Variants in TF observed in about 807,000 individuals in gnomAD.
TF encodes serotransferrin.
Under a neutral mutation model 82.4 loss-of-function variants are expected in TF, and 55 were observed. That is an observed-to-expected ratio of 0.67 (90% CI 0.54 to 0.84). TF has a LOEUF of 0.84. Among genes scored for constraint, TF ranks in the 40% least tolerant of loss-of-function variants. TF has a pLI of 0.00. For missense variants in TF, 737 were observed against 868.4 expected, an observed-to-expected ratio of 0.85 and a Z score of 1.90; for synonymous variants, 332 against 332.6, an observed-to-expected ratio of 1.00 and a Z score of 0.02.
At position 133,788,435 on chromosome 3, in the gene TF, T is replaced by G. The variant is rs1442744893; in HGVS notation, c.*9815T>G. ...TAAGCACAGGCCTTCTCCCACCCTG[T>G]GGAGCGTACTTTCATTTCATAAATC... On this transcript the variant is annotated 3_prime_UTR_variant, in exon 17 of 17. Coordinates refer to ENST00000402696, the MANE Select transcript of TF (RefSeq NM_001063.4). The G allele has an allele frequency of 6.6e-6, 1 of 152,250 alleles. No homozygotes were observed. Among genetic ancestry groups the G allele is most frequent in the Non-Finnish European group, 1.5e-5 (1 of 68,038 alleles). 9.4% of individuals were successfully genotyped at this position (152,250 alleles called of 1,614,324 possible). A position where few individuals can be genotyped will look rare whatever the true frequency, so the allele number is the denominator to read the frequency against.
chr3:133,683,068 A>G, the TF span, among the ~76,000 whole-genome samples: 1 of 152,206 alleles, frequency 6.6e-6, no homozygotes, highest in African/African-American at 2.4e-5. Context: ...TAAAGAAAAG[A>G]ATTTTCAACC....
rs13098700 is a variant in TF at position 133,782,818 on chromosome 3, A to T, written c.*4198A>T. On this transcript the variant is annotated 3_prime_UTR_variant, in exon 17 of 17. Coordinates refer to ENST00000402696, the MANE Select transcript of TF (RefSeq NM_001063.4). ...AAAAAAAAAAAAAAAAACAAAAAAA[A>T]CCCCAAAAAACCAAAACAACAACAA... The T allele has an allele frequency of 1.3e-5, 2 of 151,130 alleles. No individual in the cohort carries two copies. Among genetic ancestry groups the T allele is most frequent in the Non-Finnish European group, 2.9e-5 (2 of 67,938 alleles). The allele number at this position is 151,130 out of a possible 1,614,324, so 9.4% of individuals were successfully genotyped here.
the TF span, among the ~76,000 whole-genome samples, chr3:133,733,035 A>G: frequency 6.6e-6 from 1 of 152,220 alleles, no homozygotes; most frequent in Non-Finnish European, 1.5e-5. Flanking sequence ...TGTTTACTGA[A>G]TGCCACTTCT....
upstream of TF, among the ~76,000 whole-genome samples, chr3:133,742,703 G>A (rs1933415935): frequency 6.6e-6 from 1 of 152,140 alleles, no homozygotes; most frequent in Non-Finnish European, 1.5e-5. Flanking sequence ...CACTGGGTGG[G>A]GGACAGGAGG....
chr3:133,756,402 C>G, intron 6 of TF, 65 bp downstream of exon 6: 1 of 1,503,818 alleles, frequency 6.6e-7, no homozygotes, highest in Non-Finnish European at 9.2e-7. Flanking sequence ...TCTGTGTTCC[C>G]TTTTTCATGC....
At chr3:133,736,561 C>T in the TF span, among the ~76,000 whole-genome samples, 1 of 142,304 alleles carries the variant, frequency 7.0e-6, no homozygotes, top group African/African-American at 2.6e-5. Context: ...GGAGACCCAT[C>T]TCACGTGCAA....
chr3:133,694,002 G>A, the TF span, among the ~76,000 whole-genome samples: 191 of 152,238 alleles, frequency 1.3e-3, 1 homozygote, highest in African/African-American at 4.4e-3. Context: ...AACCCGCAGG[G>A]ACCCTGGGCC....
chr3:133,704,919 C>T, the TF span, among the ~76,000 whole-genome samples: 7 of 152,188 alleles, frequency 4.6e-5, no homozygotes, highest in Non-Finnish European at 8.8e-5. Flanking sequence ...CAAAACAAAA[C>T]GACTCTGTGA....
the TF span, among the ~76,000 whole-genome samples, chr3:133,685,380 G>A: frequency 6.6e-6 from 1 of 152,120 alleles, no homozygotes; most frequent in African/African-American, 2.4e-5. Context: ...AGAAACAAAG[G>A]GTATTCGATT....
At chr3:133,754,929 G>C (rs1288399831) in intron 4 of TF, among the ~76,000 whole-genome samples, 1 of 152,250 alleles carries the variant, frequency 6.6e-6, no homozygotes, top group East Asian at 1.9e-4. Flanking sequence ...AGGCTCGGCA[G>C]AGGGTTTCAG....
chr3:133,734,676 A>G, the TF span, among the ~76,000 whole-genome samples: 2 of 152,224 alleles, frequency 1.3e-5, no homozygotes, highest in Non-Finnish European at 1.5e-5. Context: ...TTTGCAATCA[A>G]TGTAGTACTA....
the TF span, among the ~76,000 whole-genome samples, chr3:133,690,280 TA>T: frequency 2.6e-5 from 4 of 151,802 alleles, no homozygotes; most frequent in African/African-American, 9.7e-5. Flanking sequence ...TGCTGAAGAA[TA>T]AAAAAACTAT....
intron 8 of TF, among the ~76,000 whole-genome samples, chr3:133,758,317 G>A (rs887797980): frequency 6.6e-6 from 1 of 152,218 alleles, no homozygotes. Flanking sequence ...CCATAATGAA[G>A]AGGTGCTCTA....
chr3:133,738,716 G>C, the TF span, among the ~76,000 whole-genome samples: 2 of 152,242 alleles, frequency 1.3e-5, no homozygotes, highest in East Asian at 3.9e-4. Context: ...ATTCACAATT[G>C]CTACAAAGAG....
In TF at chr3:133,777,171, A is replaced by G. The variant is rs1412337215; in HGVS notation, c.1995A>G (p.Thr665=). The G allele has an allele frequency of 1.2e-6, 2 of 1,614,142 alleles. No homozygotes were observed. The highest frequency in any genetic ancestry group is 1.3e-5 in the African/African-American group (1 of 75,044). Residue 665 remains threonine, a synonymous_variant, in exon 16 of 17, where the codon ACA becomes ACG. Transcript: ENST00000402696. ...VCLAKLHDRN[T]YEKYLGEEYV... ...TGGCCAAACTTCATGACAGAAACAC[A>G]TATGAAAAATACTTAGGAGAAGAAT... is the stretch of plus-strand genomic sequence containing the variant.
At chr3:133,667,885 C>T in the TF span, among the ~76,000 whole-genome samples, 1 of 152,214 alleles carries the variant, frequency 6.6e-6, no homozygotes, top group African/African-American at 2.4e-5. Flanking sequence ...TGCCCCACTC[C>T]CCTCATGATA....
intron 5 of TF, chr3:133,755,867 G>A (rs1291651119): frequency 4.5e-6 from 2 of 440,488 alleles, no homozygotes; most frequent in Non-Finnish European, 8.4e-6. Context: ...TACCTGCTCA[G>A]CACACTGCCT....
the TF span, among the ~76,000 whole-genome samples, chr3:133,726,763 T>G: frequency 6.6e-6 from 1 of 152,234 alleles, no homozygotes; most frequent in African/African-American, 2.4e-5. Flanking sequence ...GTGTCAATTT[T>G]GGATCTTTCC....
the TF span, among the ~76,000 whole-genome samples, chr3:133,679,569 C>CTTTTTTTTTTTTTTTTT: frequency 1.3e-5 from 1 of 75,388 alleles, no homozygotes. Context: ...CTTTGTTTGG[C>CTTTTTTTTTTTTTTTTT]TTTTTTTTTT....
Sources: gnomAD v4.1 joint callset for allele counts (sites outside exome capture counted in the v4.1 genomes callset) on GRCh38, gnomAD v4.1.1 for gene constraint, MANE v1.5 for transcripts, NCBI Gene and HGNC (gene_info 2026-07-23, HGNC 2026-07-21) for gene names.